AGAP1: variants seen among roughly 807,000 people sequenced by gnomAD.
AGAP1 encodes the protein arf-GAP with GTPase, ANK repeat and PH domain-containing protein 1.
Under a neutral mutation model 105.3 loss-of-function variants are expected in AGAP1, and 29 were observed. The ratio of observed to expected loss-of-function variants is 0.28; its 90% CI spans 0.21 to 0.38. AGAP1 has a LOEUF of 0.38. AGAP1 is among the 10% of genes least tolerant of loss of function. The pLI is 1.00. For synonymous variants in AGAP1, 509 were observed against 485.9 expected, an observed-to-expected ratio of 1.05 and a Z score of -0.63; for missense variants, 998 against 1,165.1, an observed-to-expected ratio of 0.86 and a Z score of 2.09.
chr2:235,807,274 A>G lies in AGAP1; in HGVS notation c.993A>G (p.Lys331=), dbSNP rs776813221. 10 of 1,606,778 alleles carry G rather than the reference A, an allele frequency of 6.2e-6. No individual in the cohort carries two copies. In the African/African-American group the frequency reaches 1.1e-4, roughly 17 times the overall value. The change falls in exon 9 of 18, where the codon AAA becomes AAG. Residue 331 remains lysine, a synonymous_variant. Transcript: ENST00000304032. ...GGAGCGACCCAGACAAAGAGAAGAAAGGCCTGGAGAGTCGTGCGGACAGCA... is the reference window on the plus strand; with the variant it reads ...GGAGCGACCCAGACAAAGAGAAGAAGGGCCTGGAGAGTCGTGCGGACAGCA... ...RKGSDPDKEK[K]GLESRADSIG...
intron 9 of AGAP1, among the ~76,000 whole-genome samples, chr2:235,822,259 A>C (rs1234644176): frequency 6.6e-6 from 1 of 152,264 alleles, no homozygotes; most frequent in Non-Finnish European, 1.5e-5. Context: ...CTTAAATAAA[A>C]TTTAAAGTGC....
At chr2:235,645,886 G>A (rs749548640) in intron 1 of AGAP1, among the ~76,000 whole-genome samples, 2 of 152,130 alleles carry the variant, frequency 1.3e-5, no homozygotes, top group African/African-American at 4.8e-5. Context: ...CTTGAGATAA[G>A]GACTTCAGAA....
rs1357137813 is a variant in AGAP1, at chr2:235,989,927, T to C, written c.1645+21304T>C. ...TGGCCAGTCAGCAATCTGGACAGTT[T>C]AGATCATTCAAATGCGTAGCCGGGG... On this transcript the variant is annotated intron_variant, in intron 13 of 17. Transcript: ENST00000304032. The surrounding 1 kb of genome is among the most constrained non-coding windows in gnomAD (Gnocchi z 4.4). 6.6e-6 allele frequency among the ~76,000 whole-genome samples: 1 copy of C among 152,074 alleles called. No individual in the cohort carries two copies. The highest frequency in any genetic ancestry group is 2.4e-5 in the African/African-American group (1 of 41,384).
At chr2:235,710,531 C>T (rs1469983970) in intron 2 of AGAP1, among the ~76,000 whole-genome samples, 1 of 152,174 alleles carries the variant, frequency 6.6e-6, no homozygotes, top group Non-Finnish European at 1.5e-5. Flanking sequence ...GGTCTCTGGG[C>T]TGTCTCTGCA....
chr2:235,798,707 A>G (rs1957353866), intron 7 of AGAP1, among the ~76,000 whole-genome samples: 1 of 151,842 alleles, frequency 6.6e-6, no homozygotes, highest in East Asian at 1.9e-4. Context: ...GCAGAACCAC[A>G]CCTCTGTATC....
Position 235,967,510 on chromosome 2 carries a change from T to C in AGAP1, c.1484-952T>C, listed in dbSNP as rs1250279862. Among the ~76,000 whole-genome samples, 1 of 152,212 alleles carries C rather than the reference T, an allele frequency of 6.6e-6. No individual in the cohort carries two copies. Among genetic ancestry groups the C allele is most frequent in the African/African-American group, 2.4e-5 (1 of 41,464 alleles). ...TGTTTATCTGTTTCTCCTCGATCAA[T>C]GATGGCTGCCAAGCATCTTGAAAAG... is the stretch of plus-strand genomic sequence containing the variant. On this transcript the variant is annotated intron_variant, in intron 12 of 17. Transcript: ENST00000304032. This position sits in a 1 kb window ranked among gnomAD's most constrained non-coding sequence, Gnocchi z 4.7.
rs2149436151 is a variant in AGAP1, at chr2:235,689,626, A to C, written c.164-19553A>C. ...AATTTCTGATGGACACCAAATTGGC[A>C]GGTCACCATAGGGACCTCCCCTAAC... On this transcript the variant is annotated intron_variant, in intron 1 of 17. Transcript: ENST00000304032. This position sits in a 1 kb window ranked among gnomAD's most constrained non-coding sequence, Gnocchi z 4.2. 6.6e-6 allele frequency among the ~76,000 whole-genome samples: 1 copy of C among 152,356 alleles called. No homozygotes were observed. Among genetic ancestry groups the C allele is most frequent in the African/African-American group, 2.4e-5 (1 of 41,588 alleles).
intron 12 of AGAP1, among the ~76,000 whole-genome samples, chr2:235,933,539 T>A (rs1171161142): frequency 6.6e-6 from 1 of 151,080 alleles, no homozygotes; most frequent in African/African-American, 2.4e-5. Flanking sequence ...TCTAAGGATT[T>A]TTTTTTTTTT....
rs551607447 is a variant in AGAP1, at chr2:235,609,159, G to T, written c.164-100020G>T. Among the ~76,000 whole-genome samples the T allele has an allele frequency of 2.0e-5, 3 of 152,240 alleles. No homozygotes were observed. In the East Asian group the frequency reaches 5.8e-4, roughly 29 times the overall value. On this transcript the variant is annotated intron_variant, in intron 1 of 17. Transcript: ENST00000304032. This position sits in a 1 kb window ranked among gnomAD's most constrained non-coding sequence, Gnocchi z 5.1. ...ATTTTTGGCAGTTTTCTTTCTTGAT[G>T]GTGGGGAGGGTTTGTGACCAGGTCC...
chr2:235,545,820 C>T (rs1943604704), intron 1 of AGAP1, among the ~76,000 whole-genome samples: 1 of 152,144 alleles, frequency 6.6e-6, no homozygotes, highest in East Asian at 1.9e-4. Context: ...TGAAAGTTCC[C>T]CAGGCCCAGG....
intron 1 of AGAP1, among the ~76,000 whole-genome samples, chr2:235,594,155 T>A (rs766207534): frequency 2.4e-4 from 36 of 152,294 alleles, no homozygotes; most frequent in Middle Eastern, 3.4e-3. Flanking sequence ...GATAGGCGTT[T>A]GCTTTTCAAA....
At chr2:235,932,890 T>C (rs2052792071) in intron 12 of AGAP1, among the ~76,000 whole-genome samples, 1 of 152,240 alleles carries the variant, frequency 6.6e-6, no homozygotes, top group Non-Finnish European at 1.5e-5. Flanking sequence ...CATGCATTTG[T>C]ACAGTACCCA....
chr2:235,857,086 C>T (rs1212992962), intron 9 of AGAP1, among the ~76,000 whole-genome samples: 1 of 152,210 alleles, frequency 6.6e-6, no homozygotes, highest in Non-Finnish European at 1.5e-5. Context: ...GAGTCATCCA[C>T]TCCCAGATGG....
intron 1 of AGAP1, among the ~76,000 whole-genome samples, chr2:235,686,588 C>CACACACATACATAT (rs1553605459): frequency 4.1e-4 from 45 of 108,508 alleles, no homozygotes; most frequent in African/African-American, 1.5e-3. Flanking sequence ...CACACACACA[C>CACACACATACATAT]GTGTGTGTGT....
chr2:235,966,273 G>T (rs1344307821), intron 12 of AGAP1, among the ~76,000 whole-genome samples: 1 of 144,780 alleles, frequency 6.9e-6, no homozygotes, highest in East Asian at 2.0e-4. Context: ...ATGGAGGAGA[G>T]GGGGGCCTGT....
rs1944335841 is a variant in AGAP1, at chr2:235,566,055, G to T, written c.163+71206G>T. On this transcript the variant is annotated intron_variant, in intron 1 of 17. Transcript: ENST00000304032. This position sits in a 1 kb window ranked among gnomAD's most constrained non-coding sequence, Gnocchi z 5.2. Reference sequence around the variant, plus strand: ...GATTCTGTAAACAATATTTCCCTCTGCTTGTGTCATCTTTCATTTGTCCAT... The same window carrying T: ...GATTCTGTAAACAATATTTCCCTCTTCTTGTGTCATCTTTCATTTGTCCAT... Among the ~76,000 whole-genome samples, 1 of 152,032 alleles carries T rather than the reference G, an allele frequency of 6.6e-6. No individual in the cohort carries two copies. Among genetic ancestry groups the T allele is most frequent in the Non-Finnish European group, 1.5e-5 (1 of 68,006 alleles).
chr2:236,070,470 C>T (rs13417959), intron 16 of AGAP1, among the ~76,000 whole-genome samples: 3,988 of 152,266 alleles, frequency 0.026, 174 homozygotes, highest in African/African-American at 0.092. Context: ...ATGAAACCTG[C>T]GTTCACACAG....
rs1220258635 is a variant in AGAP1, at chr2:235,555,343, C to A, written c.163+60494C>A. ...TAAAGGCAGTCCCCAGTCCAGTCTG[C>A]AAAGCCTGGCCACTTGCACAGGAAG... On this transcript the variant is annotated intron_variant, in intron 1 of 17. Coordinates refer to ENST00000304032, the MANE Select transcript of AGAP1 (RefSeq NM_001037131.3). This position sits in a 1 kb window ranked among gnomAD's most constrained non-coding sequence, Gnocchi z 5.1. 6.6e-6 allele frequency among the ~76,000 whole-genome samples: 1 copy of A among 152,164 alleles called. No homozygotes were observed. The highest frequency in any genetic ancestry group is 1.5e-5 in the Non-Finnish European group (1 of 68,044).
intron 1 of AGAP1, chr2:235,671,081 C>T: frequency 7.9e-7 from 1 of 1,259,356 alleles, no homozygotes; most frequent in Non-Finnish European, 1.0e-6. Context: ...CCGGGGGTCC[C>T]GGGACGGGAA....
Sources: gnomAD v4.1 joint callset for allele counts (sites outside exome capture counted in the v4.1 genomes callset) on GRCh38, gnomAD v4.1.1 for gene constraint, Gnocchi (gnomAD v3.1) non-coding constraint, MANE v1.5 for transcripts, NCBI Gene and HGNC (gene_info 2026-07-23, HGNC 2026-07-21) for gene names.